The following AMPD3 variants were observed in gnomAD, a reference collection of about 807,000 sequenced individuals.
AMPD3 encodes the protein adenosine monophosphate deaminase 3, also known as AMP deaminase 3.
Under a neutral mutation model 82.3 loss-of-function variants are expected in AMPD3, and 57 were observed. The ratio of observed to expected loss-of-function variants is 0.69; its 90% CI spans 0.56 to 0.86. The LOEUF is 0.86. Among genes scored for constraint, AMPD3 ranks in the 40% least tolerant of loss-of-function variants. AMPD3 has a pLI of 0.00. For synonymous variants in AMPD3, 381 were observed against 394.7 expected (o/e 0.97, Z 0.41); for missense variants, 870 against 1,003.8 (o/e 0.87, Z 1.80).
chr11:10,505,233 T>C, intron 14 of AMPD3: 2 of 985,380 alleles, frequency 2.0e-6, no homozygotes, highest in Non-Finnish European at 2.4e-6. Context: ...CCCTGGGTGA[T>C]GTCACTGGTT....
intron 5 of AMPD3, among the ~76,000 whole-genome samples, chr11:10,485,630 C>T (rs1849045888): frequency 6.6e-6 from 1 of 152,132 alleles, no homozygotes; most frequent in Non-Finnish European, 1.5e-5. Context: ...ATCCCTCTCC[C>T]CAGGCAGGAC....
intron 1 of AMPD3, among the ~76,000 whole-genome samples, chr11:10,459,350 A>G (rs751144256): frequency 6.6e-6 from 1 of 152,168 alleles, no homozygotes; most frequent in Non-Finnish European, 1.5e-5. Context: ...CAGAGCAGCA[A>G]GCCCTCCTCA....
In AMPD3 at chr11:10,495,327, C is replaced by T. The variant is rs996774664; in HGVS notation, c.1267-243C>T. 23 of 985,322 alleles carry T rather than the reference C, an allele frequency of 2.3e-5. No individual in the cohort carries two copies. In the Admixed American group the frequency reaches 2.5e-4, roughly 11 times the overall value. 61.0% of individuals were successfully genotyped at this position (985,322 alleles called of 1,614,324 possible). ...AACCTAGCTGGGTGCAGATGAGCTCCGTGTGGAGATGCTTCTGCTGTGGCC... is the reference window on the plus strand; with the variant it reads ...AACCTAGCTGGGTGCAGATGAGCTCTGTGTGGAGATGCTTCTGCTGTGGCC... On this transcript the variant is annotated intron_variant, in intron 8 of 14. Transcript: ENST00000396553.
chr11:10,463,706 C>A (rs947421434), intron 2 of AMPD3, among the ~76,000 whole-genome samples: 4 of 152,204 alleles, frequency 2.6e-5, no homozygotes, highest in Admixed American at 6.5e-5. Context: ...AGACTCAGGG[C>A]AAAATGGAAG....
At chr11:10,479,287 A>G (rs1299818477) in intron 3 of AMPD3, among the ~76,000 whole-genome samples, 5 of 152,200 alleles carry the variant, frequency 3.3e-5, no homozygotes, top group Non-Finnish European at 5.9e-5. Context: ...ACCTGATTGG[A>G]TGATGCATTT....
intron 11 of AMPD3, chr11:10,501,198 G>C (rs1849569847): frequency 2.4e-5 from 24 of 985,302 alleles, no homozygotes; most frequent in Non-Finnish European, 2.9e-5. Context: ...GGCCAGGAGA[G>C]GAATTCAGGA....
intron 13 of AMPD3, chr11:10,504,058 C>T: frequency 1.0e-6 from 1 of 971,936 alleles, no homozygotes; most frequent in Non-Finnish European, 1.2e-6. Flanking sequence ...ACCACTTATC[C>T]TATGATCACT....
intron 9 of AMPD3, chr11:10,496,319 T>C: frequency 1.0e-6 from 1 of 985,424 alleles, no homozygotes; most frequent in Non-Finnish European, 1.2e-6. Flanking sequence ...GATTGTCCTT[T>C]TGGTGAGCCC....
chr11:10,471,581 T>G (rs528868092), intron 2 of AMPD3, among the ~76,000 whole-genome samples: 38 of 152,312 alleles, frequency 2.5e-4, no homozygotes, highest in African/African-American at 7.7e-4. Flanking sequence ...GTCCAGAATC[T>G]ACAAAGAACT....
intron 11 of AMPD3, 88 bp from the exon 12 acceptor site, chr11:10,501,382 C>T (rs1194170025): frequency 6.4e-7 from 1 of 1,566,126 alleles, no homozygotes; most frequent in African/African-American, 1.4e-5. Context: ...GTCATTCCCC[C>T]CGGAGCTGGC....
intron 11 of AMPD3, chr11:10,501,189 G>T (rs1214871392): frequency 2.0e-6 from 2 of 985,304 alleles, no homozygotes; most frequent in South Asian, 4.7e-5. Context: ...GGGACACAAG[G>T]CCAGGAGAGG....
At chr11:10,490,567 C>T (rs1363960866) in intron 6 of AMPD3, 2 of 985,194 alleles carry the variant, frequency 2.0e-6, no homozygotes, top group Non-Finnish European at 2.4e-6. Flanking sequence ...ACTGAAAACA[C>T]TGACCTCCAA....
chr11:10,477,797 CTT>C, intron 2 of AMPD3: 1 of 872,658 alleles, frequency 1.1e-6, no homozygotes, highest in South Asian at 5.3e-5. Flanking sequence ...GGCCGTGTGA[CTT>C]TGTGCCAGCC....
At chr11:10,497,509 G>A (rs1849448240) in intron 10 of AMPD3, 2 of 904,476 alleles carry the variant, frequency 2.2e-6, no homozygotes, top group Non-Finnish European at 2.6e-6. Context: ...GGGATCGAGG[G>A]GGTATCAGAT....
intron 2 of AMPD3, among the ~76,000 whole-genome samples, chr11:10,472,864 T>G (rs1438247222): frequency 1.3e-5 from 2 of 150,328 alleles, no homozygotes; most frequent in Non-Finnish European, 3.0e-5. Flanking sequence ...GTTAGCTGGG[T>G]GTGGTGGCAC....
At position 10,494,824 on chromosome 11, in the gene AMPD3, C is replaced by T. The variant is rs556368269; in HGVS notation, c.1135-75C>T. The T allele has an allele frequency of 7.6e-6, 12 of 1,581,904 alleles. No homozygotes were observed. The East Asian group carries it at 9.0e-5, about 12-fold the overall frequency. ...GGTGTGGCCATACAGAAGGCCGCCT[C>T]GTAAAGGTCTAGAGAGGGGAACGTG... On this transcript the variant is annotated intron_variant, in intron 7 of 14. Coordinates refer to ENST00000396553, the MANE Select transcript of AMPD3 (RefSeq NM_001025389.2).
chr11:10,493,283 G>C (rs1849292954), intron 6 of AMPD3, 66 bp from the exon 7 acceptor site: 11 of 1,584,290 alleles, frequency 6.9e-6, no homozygotes, highest in Non-Finnish European at 9.5e-6. Context: ...TTGAGGGTTG[G>C]ATGTCTTAAC....
intron 2 of AMPD3, among the ~76,000 whole-genome samples, chr11:10,467,721 G>T (rs763280594): frequency 1.4e-4 from 22 of 152,228 alleles, no homozygotes; most frequent in Middle Eastern, 3.4e-3. Context: ...ATCGTCAGAT[G>T]CCCCAAGGTT....
intron 5 of AMPD3, among the ~76,000 whole-genome samples, chr11:10,486,110 A>G (rs751835735): frequency 2.0e-4 from 30 of 152,078 alleles, no homozygotes; most frequent in Non-Finnish European, 4.0e-4. Flanking sequence ...GGTTCCTCAG[A>G]GGCTGTCCTC....
Sources: allele counts gnomAD v4.1 joint callset (sites outside exome capture counted in the v4.1 genomes callset), GRCh38; gene constraint gnomAD v4.1.1; transcripts MANE v1.5; gene names NCBI Gene and HGNC (gene_info 2026-07-23, HGNC 2026-07-21).